CXCL8: variants seen among roughly 807,000 people sequenced by gnomAD.
CXCL8 encodes C-X-C motif chemokine ligand 8.
A neutral mutation model predicts 10.9 loss-of-function variants in CXCL8; 12 were observed. The ratio of observed to expected loss-of-function variants is 1.10; its 90% CI spans 0.71 to 1.79. The LOEUF (loss-of-function observed/expected upper bound fraction) is 1.79, where lower values mean the gene tolerates loss of function less well. Among genes scored for constraint, CXCL8 ranks in the 40% most tolerant of loss-of-function variants. The pLI is 0.00. For missense variants in CXCL8, 145 were observed against 113.4 expected, an observed-to-expected ratio of 1.28 and a Z score of -1.26; for synonymous variants, 41 against 39.6, an observed-to-expected ratio of 1.03 and a Z score of -0.13.
rs753921688 is a variant in CXCL8 at position 73,742,008 on chromosome 4, G to A, written c.260G>A (p.Arg87Lys). 2 of 1,607,976 alleles carry A rather than the reference G, an allele frequency of 1.2e-6. No homozygotes were observed. Among genetic ancestry groups the A allele is most frequent in the Non-Finnish European group, 1.7e-6 (2 of 1,176,032 alleles). Reference protein sequence around the residue: ...CLDPKENWVQRVVEKFLKRAE... With the variant: ...CLDPKENWVQKVVEKFLKRAE... ...GACCCCAAGGAAAACTGGGTGCAGA[G>A]GGTTGTGGAGAAGTTTTTGAAGAGG... is the stretch of plus-strand genomic sequence containing the variant. The change falls in exon 3 of 4, where the codon AGG (arginine) becomes AAG (lysine). Residue 87 changes from arginine (R) to lysine (K), a missense_variant. Coordinates refer to ENST00000307407, the MANE Select transcript of CXCL8 (RefSeq NM_000584.4).
In CXCL8 at chr4:73,741,576, AT is replaced by A. The variant is rs1729174496; in HGVS notation, c.100del (p.Cys34ValfsTer4). On this transcript the variant is annotated frameshift_variant, in exon 2 of 4. Transcript: ENST00000307407. LOFTEE classifies it high-confidence loss of function. ...VLPRSAKELR[C>X]QCIKTYSKPF... The stretch of plus-strand genomic sequence containing the variant: ...TGCCAAGGAGTGCTAAAGAACTTAG[AT>A]GTCAGTGCATAAAGACATACTCCAA... 6.2e-7 allele frequency: 1 copy of A among 1,613,586 alleles called. No homozygotes were observed. The highest frequency in any genetic ancestry group is 8.5e-7 in the Non-Finnish European group (1 of 1,179,666).
At chr4:73,741,746 TAGG>T in intron 2 of CXCL8, 69 bp downstream of exon 2, 1 of 1,433,438 alleles carries the variant, frequency 7.0e-7, no homozygotes, top group Non-Finnish European at 9.7e-7. Flanking sequence ...TGGAAATATT[TAGG>T]AAAGTTCCAG....
chr4:73,742,053 T>C, intron 3 of CXCL8, 21 bp downstream of exon 3: 1 of 1,415,288 alleles, frequency 7.1e-7, no homozygotes, highest in Non-Finnish European at 9.7e-7. Context: ...TATTTTTTAA[T>C]TTAAATTTTT....
In CXCL8 at chr4:73,740,591, G is replaced by T. The variant is rs1164155267; in HGVS notation, c.-68G>T. The T allele has an allele frequency of 1.4e-6, 2 of 1,423,774 alleles. No individual in the cohort carries two copies. The highest frequency in any genetic ancestry group is 2.0e-6 in the Non-Finnish European group (2 of 1,014,396). 88.2% of individuals were successfully genotyped at this position (1,423,774 alleles called of 1,614,324 possible). On this transcript the variant is annotated 5_prime_UTR_variant, in exon 1 of 4. Coordinates refer to ENST00000307407, the MANE Select transcript of CXCL8 (RefSeq NM_000584.4). ...GGCACAAACTTTCAGAGACAGCAGA[G>T]CACACAAGCTTCTAGGACAAGAGCC...
chr4:73,741,841 A>G (rs1729182476), intron 2 of CXCL8, 108 bp from the exon 3 acceptor site: 1 of 1,071,110 alleles, frequency 9.3e-7, no homozygotes, highest in African/African-American at 1.6e-5. Flanking sequence ...TAGCTTCCAC[A>G]ACTACTATAA....
intron 2 of CXCL8, 97 bp downstream of exon 2, chr4:73,741,774 G>A: frequency 1.7e-6 from 2 of 1,198,918 alleles, no homozygotes; most frequent in Non-Finnish European, 2.4e-6. Context: ...TAGGATTACA[G>A]TAGTAAATGA....
chr4:73,742,495 C>T lies in CXCL8; in HGVS notation c.*31C>T, dbSNP rs1279756189. 7.1e-7 allele frequency: 1 copy of T among 1,413,750 alleles called. No homozygotes were observed. 87.6% of individuals were successfully genotyped at this position (1,413,750 alleles called of 1,614,324 possible). On this transcript the variant is annotated 3_prime_UTR_variant, in exon 4 of 4. Coordinates refer to ENST00000307407, the MANE Select transcript of CXCL8 (RefSeq NM_000584.4). ...TTCATTCTCTGTGGTATCCAAGAAT[C>T]AGTGAAGATGCCAGTGAAACTTCAA... is the stretch of plus-strand genomic sequence containing the variant.
intron 1 of CXCL8, 80 bp from the exon 2 acceptor site, chr4:73,741,462 T>C (rs985971819): frequency 3.0e-6 from 4 of 1,320,090 alleles, no homozygotes; most frequent in Non-Finnish European, 4.3e-6. Context: ...CAAATAATCA[T>C]ATTGGAATTA....
At chr4:73,741,803 T>A in intron 2 of CXCL8, 126 bp downstream of exon 2, 1 of 960,968 alleles carries the variant, frequency 1.0e-6, no homozygotes, top group South Asian at 1.6e-5. Context: ...AAAATAAAAA[T>A]ATTTGTCTAC....
chr4:73,742,699 A>G lies in CXCL8; in HGVS notation c.*235A>G, dbSNP rs201232993. 2.8e-6 allele frequency: 1 copy of G among 358,112 alleles called. No homozygotes were observed. Among genetic ancestry groups the G allele is most frequent in the African/African-American group, 2.1e-5 (1 of 47,678 alleles). The allele number at this position is 358,112 out of a possible 1,614,324, so 22.2% of individuals were successfully genotyped here. A position where few individuals can be genotyped will look rare whatever the true frequency, so the allele number is the denominator to read the frequency against. On this transcript the variant is annotated 3_prime_UTR_variant, in exon 4 of 4. Coordinates refer to ENST00000307407, the MANE Select transcript of CXCL8 (RefSeq NM_000584.4). ...TTATTTATTTGAATCTACAAAAAAC[A>G]ACAAATAATTTTTAAATATAAGGAT...
rs1456219794 is a variant in CXCL8, at chr4:73,742,038, T to A, written c.284+6T>A. 13 of 1,516,254 alleles carry A rather than the reference T, an allele frequency of 8.6e-6. No homozygotes were observed. Among genetic ancestry groups the A allele is most frequent in the Non-Finnish European group, 1.2e-5 (13 of 1,111,082 alleles). 93.9% of individuals were successfully genotyped at this position (1,516,254 alleles called of 1,614,324 possible). A position where few individuals can be genotyped will look rare whatever the true frequency, so the allele number is the denominator to read the frequency against. Reference sequence around the variant, plus strand: ...GTGGAGAAGTTTTTGAAGAGGTAAGTTATATATTTTTTAATTTAAATTTTT... The same window carrying A: ...GTGGAGAAGTTTTTGAAGAGGTAAGATATATATTTTTTAATTTAAATTTTT... On this transcript the variant is annotated splice_donor_region_variant and intron_variant, in intron 3 of 3. Transcript: ENST00000307407.
Position 73,743,192 on chromosome 4 carries a change from AATAGTT to A in CXCL8, c.*732_*737del, listed in dbSNP as rs1392671777. 9.0e-6 allele frequency: 2 copies of A among 223,314 alleles called. No individual in the cohort carries two copies. The highest frequency in any genetic ancestry group is 1.8e-5 in the Non-Finnish European group (2 of 112,052). The allele number at this position is 223,314 out of a possible 1,614,324, so 13.8% of individuals were successfully genotyped here. On this transcript the variant is annotated 3_prime_UTR_variant, in exon 4 of 4. Coordinates refer to ENST00000307407, the MANE Select transcript of CXCL8 (RefSeq NM_000584.4). ...AAAATAGAAGATGAATCATTGATTG[AATAGTT>A]ATAAAGATGTTATAGTAAATTTATT... is the stretch of plus-strand genomic sequence containing the variant.
rs1256949633 is a variant in CXCL8 at position 73,741,933 on chromosome 4, T to G, written c.201-16T>G. 1 of 1,566,258 alleles carries G rather than the reference T, an allele frequency of 6.4e-7. No individual in the cohort carries two copies. The highest frequency in any genetic ancestry group is 2.2e-5 in the East Asian group (1 of 44,596). ...AAAACTAAATATTAATCTGAACCAT[T>G]TCTTTCTTATTTCAGTGTAAAGCTT... is the stretch of plus-strand genomic sequence containing the variant. On this transcript the variant is annotated splice_polypyrimidine_tract_variant and intron_variant, in intron 2 of 3. Coordinates refer to ENST00000307407, the MANE Select transcript of CXCL8 (RefSeq NM_000584.4).
intron 1 of CXCL8, 128 bp from the exon 2 acceptor site, chr4:73,741,414 A>C: frequency 1.2e-6 from 1 of 832,656 alleles, no homozygotes; most frequent in Admixed American, 3.0e-5. Context: ...AATATTCAGG[A>C]ATGAGTTCAC....
rs1729216261 is a variant in CXCL8, at chr4:73,742,751, T to C, written c.*287T>C. On this transcript the variant is annotated 3_prime_UTR_variant, in exon 4 of 4. Transcript: ENST00000307407. ...TTCCTAGATATTGCACGGGAGAATA[T>C]ACAAATAGCAAAATTGAGGCCAAGG... 3.5e-6 allele frequency: 1 copy of C among 283,042 alleles called. No individual in the cohort carries two copies. The highest frequency in any genetic ancestry group is 6.6e-6 in the Non-Finnish European group (1 of 150,514). 17.5% of individuals were successfully genotyped at this position (283,042 alleles called of 1,614,324 possible). A position where few individuals can be genotyped will look rare whatever the true frequency, so the allele number is the denominator to read the frequency against.
intron 1 of CXCL8, 40 bp downstream of exon 1, chr4:73,740,762 T>C: frequency 6.5e-7 from 1 of 1,537,970 alleles, no homozygotes; most frequent in Non-Finnish European, 9.0e-7. Flanking sequence ...TTCCTATGTC[T>C]AAATGTGATC....
chr4:73,743,363 G>T lies in CXCL8; in HGVS notation c.*899G>T, dbSNP rs2149423576. On this transcript the variant is annotated 3_prime_UTR_variant, in exon 4 of 4. Coordinates refer to ENST00000307407, the MANE Select transcript of CXCL8 (RefSeq NM_000584.4). ...AATTTTTTAGTATAAGTACATTATT[G>T]TTTATCTGAAATTTTAATTGAACTA... 4.8e-6 allele frequency: 1 copy of T among 209,306 alleles called. No individual in the cohort carries two copies. The allele number at this position is 209,306 out of a possible 1,614,324, so 13.0% of individuals were successfully genotyped here.
chr4:73,742,213 A>G (rs957928491), intron 3 of CXCL8, 181 bp downstream of exon 3: 1 of 583,844 alleles, frequency 1.7e-6, no homozygotes, highest in Non-Finnish European at 3.0e-6. Flanking sequence ...AAGACCATAC[A>G]TAGTTTGCCC....
At position 73,740,592 on chromosome 4, in the gene CXCL8, C is replaced by A; in HGVS notation, c.-67C>A. The stretch of plus-strand genomic sequence containing the variant: ...GCACAAACTTTCAGAGACAGCAGAG[C>A]ACACAAGCTTCTAGGACAAGAGCCA... On this transcript the variant is annotated 5_prime_UTR_variant, in exon 1 of 4. Coordinates refer to ENST00000307407, the MANE Select transcript of CXCL8 (RefSeq NM_000584.4). The A allele has an allele frequency of 1.4e-6, 2 of 1,430,320 alleles. No individual in the cohort carries two copies. Among genetic ancestry groups the A allele is most frequent in the African/African-American group, 1.4e-5 (1 of 70,156 alleles). 88.6% of individuals were successfully genotyped at this position (1,430,320 alleles called of 1,614,324 possible).
Sources: gnomAD v4.1 joint callset for allele counts on GRCh38, gnomAD v4.1.1 for gene constraint, MANE v1.5 for transcripts, NCBI Gene and HGNC (gene_info 2026-07-23, HGNC 2026-07-21) for gene names.